TLE5: variants seen among roughly 807,000 people sequenced by gnomAD.
TLE5 encodes the protein TLE family member 5, transcriptional modulator.
TLE5 carries 7 observed loss-of-function variants against 25.8 expected under a neutral mutation model. The observed-to-expected ratio is 0.27, with a 90% CI of 0.15 to 0.51. TLE5 has a LOEUF of 0.51. Ranked by LOEUF, TLE5 falls within the 20% of genes least tolerant of loss-of-function variation. The pLI is 0.97. For synonymous variants in TLE5, 132 were observed against 110.5 expected (o/e 1.20, Z -1.22); for missense variants, 149 against 250.7 (o/e 0.59, Z 2.74).
At chr19:3,057,020 C>T (rs771275756) in intron 3 of TLE5, among the ~76,000 whole-genome samples, 1 of 152,166 alleles carries the variant, frequency 6.6e-6, no homozygotes, top group Admixed American at 6.5e-5. Context: ...CTCTCTGACC[C>T]CAGCCCTATT....
chr19:3,061,367 C>A, intron 1 of TLE5, 110 bp from the exon 2 acceptor site: 2 of 761,546 alleles, frequency 2.6e-6, no homozygotes, highest in Admixed American at 2.4e-5. Context: ...TCCTGCCCCA[C>A]TTCCTGGGCC....
intron 5 of TLE5, chr19:3,054,525 G>A: frequency 4.4e-6 from 2 of 455,594 alleles, no homozygotes; most frequent in Admixed American, 3.5e-5. Context: ...ACAGCCACCT[G>A]CAAAGATGTG....
rs772266535 is a variant in TLE5, at chr19:3,056,709, G to A, written c.190-353C>T. 10 of 429,754 alleles carry A rather than the reference G, an allele frequency of 2.3e-5. No homozygotes were observed. In the East Asian group the frequency reaches 4.8e-4, roughly 21 times the overall value. The allele number at this position is 429,754 out of a possible 1,614,324, so 26.6% of individuals were successfully genotyped here. A position where few individuals can be genotyped will look rare whatever the true frequency, so the allele number is the denominator to read the frequency against. Reference sequence around the variant, plus strand: ...TTGTATCTTTCTATGTCTTGTCTGCGGGTGGGCCCAGACGCCAGGGAAGTT... The same window carrying A: ...TTGTATCTTTCTATGTCTTGTCTGCAGGTGGGCCCAGACGCCAGGGAAGTT... On this transcript the variant is annotated intron_variant, in intron 3 of 6. Coordinates refer to ENST00000327141, the MANE Select transcript of TLE5 (RefSeq NM_001130.6).
At chr19:3,061,310 C>CA (rs2090265174) in intron 1 of TLE5, 53 bp from the exon 2 acceptor site, 1 of 1,437,640 alleles carries the variant, frequency 7.0e-7, no homozygotes, top group Admixed American at 1.7e-5. Context: ...GGACCCCCCT[C>CA]AAGGGCCGGC....
chr19:3,060,329 T>C lies in TLE5; in HGVS notation c.125+831A>G, dbSNP rs866232408. On this transcript the variant is annotated intron_variant, in intron 2 of 6. Transcript: ENST00000327141. Reference sequence around the variant, plus strand: ...GGGCTTAAGTTTCTTTTTTTCTTTCTTTTTTTTTTTTTTTTTTTTTTTTGA... The same window carrying C: ...GGGCTTAAGTTTCTTTTTTTCTTTCCTTTTTTTTTTTTTTTTTTTTTTTGA... 3.6e-3 allele frequency among the ~76,000 whole-genome samples: 201 copies of C among 56,278 alleles called. 2 individuals carry two copies. The highest frequency in any genetic ancestry group is 0.021 in the Middle Eastern group (2 of 94). The allele number at this position is 56,278 out of a possible 152,430, so 36.9% of individuals were successfully genotyped here. A position where few individuals can be genotyped will look rare whatever the true frequency, so the allele number is the denominator to read the frequency against.
At chr19:3,061,767 A>C in intron 1 of TLE5, among the ~76,000 whole-genome samples, 1 of 147,826 alleles carries the variant, frequency 6.8e-6, no homozygotes, top group South Asian at 2.2e-4. Flanking sequence ...TGCGCCTCGG[A>C]TCACCCCCCC....
chr19:3,061,885 TTG>T (rs1491337185), intron 1 of TLE5, among the ~76,000 whole-genome samples: 1 of 9,262 alleles, frequency 1.1e-4, no homozygotes, highest in African/African-American at 3.0e-4. Flanking sequence ...TCCCGGCGGG[TTG>T]GGGGGGGGGG....
In TLE5 at chr19:3,061,211, G is replaced by A; in HGVS notation, c.74C>T (p.Ser25Phe). 1 of 1,613,926 alleles carries A rather than the reference G, an allele frequency of 6.2e-7. No homozygotes were observed. ...AAATTCGTCTTTGATGCGGTCGCAG[G>A]AGTCCGAGGTGGTGAATTTGAGTTG... ...PQQLKFTTSD[S>F]CDRIKDEFQL... The change falls in exon 2 of 7, where the codon TCC becomes TTC. Residue 25 changes from serine to phenylalanine, a missense_variant. Physicochemically the swap from Ser to Phe is radical, Grantham distance 155. Coordinates refer to ENST00000327141, the MANE Select transcript of TLE5 (RefSeq NM_001130.6).
chr19:3,053,560 CTTAGCTTG>C lies in TLE5; in HGVS notation c.*251_*258del. 1.8e-6 allele frequency: 1 copy of C among 565,176 alleles called. No homozygotes were observed. Among genetic ancestry groups the C allele is most frequent in the Non-Finnish European group, 3.2e-6 (1 of 316,696 alleles). The allele number at this position is 565,176 out of a possible 1,614,324, so 35.0% of individuals were successfully genotyped here. A position where few individuals can be genotyped will look rare whatever the true frequency, so the allele number is the denominator to read the frequency against. ...TGGTCTCCCATCTGACCCTCCAGGC[CTTAGCTTG>C]CCTCACATGTCAGGGCAGGTATCCA... is the stretch of plus-strand genomic sequence containing the variant. On this transcript the variant is annotated 3_prime_UTR_variant, in exon 7 of 7. Transcript: ENST00000327141.
chr19:3,057,113 G>A (rs867470898), intron 3 of TLE5, among the ~76,000 whole-genome samples: 2 of 152,148 alleles, frequency 1.3e-5, no homozygotes, highest in African/African-American at 2.4e-5. Flanking sequence ...CCCCAGCATC[G>A]CTGCTCGAGG....
intron 1 of TLE5, chr19:3,061,527 G>C: frequency 3.7e-6 from 1 of 268,844 alleles, no homozygotes; most frequent in Non-Finnish European, 7.1e-6. Flanking sequence ...CCCTAGATGG[G>C]GGGCAGGGTG....
chr19:3,062,645 CCTTGGGCCCGG>C, upstream of TLE5: 1 of 1,275,306 alleles, frequency 7.8e-7, no homozygotes. Flanking sequence ...GCCGCGGTGA[CCTTGGGCCCGG>C]CCCGCCCCCG....
rs2090191094 is a variant in TLE5 at position 3,053,499 on chromosome 19, C to T, written c.*320G>A. On this transcript the variant is annotated 3_prime_UTR_variant, in exon 7 of 7. Transcript: ENST00000327141. The stretch of plus-strand genomic sequence containing the variant: ...GTTCAAAACGGGGGAAGGGCCGGGG[C>T]TGCTGCGCTTCGCGAGGTCTTGCTC... 2 of 434,496 alleles carry T rather than the reference C, an allele frequency of 4.6e-6. No individual in the cohort carries two copies. The highest frequency in any genetic ancestry group is 7.8e-5 in the Admixed American group (2 of 25,806). 26.9% of individuals were successfully genotyped at this position (434,496 alleles called of 1,614,324 possible).
chr19:3,060,305 G>A (rs904983511), intron 2 of TLE5, among the ~76,000 whole-genome samples: 5 of 150,492 alleles, frequency 3.3e-5, no homozygotes, highest in African/African-American at 1.2e-4. Context: ...AACATCTCTG[G>A]GCTTAAGTTT....
intron 4 of TLE5, chr19:3,056,036 G>T (rs895943579): frequency 1.9e-6 from 1 of 526,840 alleles, no homozygotes; most frequent in South Asian, 2.7e-5. Context: ...TTGTGCGAAT[G>T]TAGGGAGGGC....
chr19:3,062,805 A>G (rs1177321703), upstream of TLE5: 5 of 1,550,160 alleles, frequency 3.2e-6, no homozygotes, highest in East Asian at 7.3e-5. Context: ...GACGCGTGCC[A>G]CGGACGTGCT....
chr19:3,054,086 T>TCCGGGGGCGCCCCC, intron 6 of TLE5, 34 bp downstream of exon 6: 1 of 1,512,818 alleles, frequency 6.6e-7, no homozygotes. Context: ...GGCCCACCTG[T>TCCGGGGGCGCCCCC]CCCCCGCCCA....
At chr19:3,062,117 C>T in intron 1 of TLE5, 57 bp downstream of exon 1, 3 of 685,542 alleles carry the variant, frequency 4.4e-6, no homozygotes, top group Non-Finnish European at 3.3e-6. Flanking sequence ...AGCCGGGGGT[C>T]GGGGGCGTAG....
upstream of TLE5, chr19:3,062,935 A>G (rs1032841250): frequency 2.5e-5 from 20 of 790,522 alleles, no homozygotes; most frequent in East Asian, 5.0e-5. Flanking sequence ...CATTTATAGA[A>G]CGCCTACTGT....
Sources: gnomAD v4.1 joint callset for allele counts (sites outside exome capture counted in the v4.1 genomes callset) on GRCh38, gnomAD v4.1.1 for gene constraint, MANE v1.5 for transcripts, NCBI Gene and HGNC (gene_info 2026-07-23, HGNC 2026-07-21) for gene names.